The following GMDS variants were observed in gnomAD, a reference collection of about 807,000 sequenced individuals.
GMDS encodes the protein GDP-mannose 4,6-dehydratase, also known as GDP-mannose 4,6 dehydratase.
Under a neutral mutation model 49.9 loss-of-function variants are expected in GMDS, and 20 were observed. That is an observed-to-expected ratio of 0.40 (90% confidence interval 0.28 to 0.58). The LOEUF is 0.58. GMDS is among the 20% of genes least tolerant of loss of function. The pLI is 0.42. For missense variants in GMDS, 362 were observed against 481.4 expected (o/e 0.75, Z 2.32); for synonymous variants, 177 against 178.6 (o/e 0.99, Z 0.07).
chr6:2,108,215 T>G (rs894636008), intron 4 of GMDS, among the ~76,000 whole-genome samples: 1 of 152,216 alleles, frequency 6.6e-6, no homozygotes, highest in African/African-American at 2.4e-5. Flanking sequence ...CTTATATAAC[T>G]GACTTGACAA....
chr6:2,115,849 G>A lies in GMDS; in HGVS notation c.267C>T (p.Asp89=). 6.2e-7 allele frequency: 1 copy of A among 1,606,738 alleles called. No homozygotes were observed. Among genetic ancestry groups the A allele is most frequent in the African/African-American group, 1.3e-5 (1 of 74,884 alleles). Residue 89 remains aspartate (D), a synonymous_variant, in exon 4 of 11, where the codon GAC becomes GAT. Transcript: ENST00000380815. The part of the protein sequence containing the change: ...NMKLHYGDLT[D]STCLVKIINE... ...TAATGATCTTCACAAGGCAGGTACT[G>A]TCAGTGAGATCGCCATAGTGCAACT...
At chr6:1,852,567 C>T (rs1290888711) in intron 7 of GMDS, among the ~76,000 whole-genome samples, 1 of 152,058 alleles carries the variant, frequency 6.6e-6, no homozygotes, top group Admixed American at 6.6e-5. Flanking sequence ...TAAAAAGGTG[C>T]GTTTCTTTAT....
At chr6:1,689,780 G>A (rs950881873) in intron 9 of GMDS, among the ~76,000 whole-genome samples, 5 of 152,074 alleles carry the variant, frequency 3.3e-5, no homozygotes, top group African/African-American at 4.8e-5. Flanking sequence ...CCTCATAAAC[G>A]TCTTCTGAAA....
At chr6:1,696,332 T>G (rs1765340405) in intron 9 of GMDS, among the ~76,000 whole-genome samples, 1 of 152,242 alleles carries the variant, frequency 6.6e-6, no homozygotes. Context: ...ACGCCGTGAT[T>G]TGCTGCTCTG....
intron 9 of GMDS, among the ~76,000 whole-genome samples, chr6:1,717,075 T>G (rs1188935919): frequency 6.6e-6 from 1 of 152,206 alleles, no homozygotes; most frequent in Non-Finnish European, 1.5e-5. Flanking sequence ...AACTCAGTAT[T>G]CCCTGCCAAG....
chr6:1,644,707 T>C (rs1763434039), intron 9 of GMDS, among the ~76,000 whole-genome samples: 1 of 152,046 alleles, frequency 6.6e-6, no homozygotes, highest in Non-Finnish European at 1.5e-5. Flanking sequence ...ACTGTGAGGT[T>C]TTCTGGTGAC....
In GMDS at chr6:1,624,043, G is replaced by A. The variant is rs1581380827; in HGVS notation, c.*126C>T. 1.3e-6 allele frequency: 1 copy of A among 798,590 alleles called. No individual in the cohort carries two copies. Among genetic ancestry groups the A allele is most frequent in the Admixed American group, 2.2e-5 (1 of 44,856 alleles). 49.5% of individuals were successfully genotyped at this position (798,590 alleles called of 1,614,324 possible). A position where few individuals can be genotyped will look rare whatever the true frequency, so the allele number is the denominator to read the frequency against. On this transcript the variant is annotated 3_prime_UTR_variant, in exon 11 of 11. Transcript: ENST00000380815. ...GCCCCGCTCTTGCGGCCGGGACAGC[G>A]CAGCGGCAGCAGGGGCCGCAGGGGA...
chr6:2,125,088 T>C (rs1057422825), intron 1 of GMDS, among the ~76,000 whole-genome samples: 1 of 152,190 alleles, frequency 6.6e-6, no homozygotes, highest in African/African-American at 2.4e-5. Flanking sequence ...GCAGAATGCC[T>C]TGGTGTCATA....
chr6:1,751,773 T>C (rs1581139114), intron 7 of GMDS, among the ~76,000 whole-genome samples: 1 of 152,306 alleles, frequency 6.6e-6, no homozygotes, highest in Non-Finnish European at 1.5e-5. Context: ...ATTACAGGCA[T>C]GAGCCACCGT....
chr6:1,687,358 G>A (rs12216073), intron 9 of GMDS, among the ~76,000 whole-genome samples: 47,017 of 152,150 alleles, frequency 0.31, 8,115 homozygotes, highest in Middle Eastern at 0.46. Flanking sequence ...CCAACCTCCA[G>A]GGGAGGAGGA....
intron 7 of GMDS, among the ~76,000 whole-genome samples, chr6:1,827,029 G>A (rs1413343724): frequency 2.0e-5 from 3 of 151,336 alleles, no homozygotes; most frequent in African/African-American, 2.4e-5. Flanking sequence ...ATTGTGGCCC[G>A]CATTCCAGCC....
At chr6:2,239,618 T>C (rs147732055) in intron 1 of GMDS, among the ~76,000 whole-genome samples, 7 of 152,026 alleles carry the variant, frequency 4.6e-5, no homozygotes, top group Non-Finnish European at 1.5e-5. Flanking sequence ...TTTCAATTAA[T>C]CACATGTAAC....
Position 1,742,557 on chromosome 6 carries a change from C to A in GMDS, c.801G>T (p.Glu267Asp). The stretch of plus-strand genomic sequence containing the variant: ...CAGTAGCTATAACGAAGTCCTCCGG[C>A]TCATCATTCTGCAACATCAACCACA... ...EAMWLMLQND[E>D]PEDFVIATGE... The change falls in exon 8 of 11, where the codon GAG (glutamate) becomes GAT (aspartate). Residue 267 changes from glutamate to aspartate, a missense_variant. By Grantham distance (45) the Glu-to-Asp change is conservative. Coordinates refer to ENST00000380815, the MANE Select transcript of GMDS (RefSeq NM_001500.4). 6.2e-7 allele frequency: 1 copy of A among 1,609,710 alleles called. No homozygotes were observed. Among genetic ancestry groups the A allele is most frequent in the South Asian group, 1.1e-5 (1 of 90,946 alleles).
chr6:1,758,928 A>G (rs1449328277), intron 7 of GMDS, among the ~76,000 whole-genome samples: 1 of 152,080 alleles, frequency 6.6e-6, no homozygotes, highest in African/African-American at 2.4e-5. Flanking sequence ...TGTTTTATGT[A>G]TTTATTATTT....
At chr6:2,047,251 A>G (rs752549576) in intron 4 of GMDS, among the ~76,000 whole-genome samples, 8 of 152,214 alleles carry the variant, frequency 5.3e-5, no homozygotes, top group Non-Finnish European at 1.2e-4. Flanking sequence ...ACTGCCCTGC[A>G]TAGTTCAAGT....
At chr6:1,915,401 G>A (rs1761326167) in intron 7 of GMDS, among the ~76,000 whole-genome samples, 1 of 152,230 alleles carries the variant, frequency 6.6e-6, no homozygotes, top group Non-Finnish European at 1.5e-5. Flanking sequence ...GCAGCTGAGT[G>A]CTGAGCCTGA....
At chr6:2,114,633 T>C (rs1034716118) in intron 4 of GMDS, among the ~76,000 whole-genome samples, 1 of 152,212 alleles carries the variant, frequency 6.6e-6, no homozygotes, top group South Asian at 2.1e-4. Flanking sequence ...TGTTTCTTCA[T>C]AGACAGCACA....
At chr6:2,169,326 T>G (rs914895189) in intron 1 of GMDS, among the ~76,000 whole-genome samples, 1 of 152,082 alleles carries the variant, frequency 6.6e-6, no homozygotes, top group South Asian at 2.1e-4. Context: ...ACACTACATA[T>G]AACAGTATGG....
intron 9 of GMDS, among the ~76,000 whole-genome samples, chr6:1,658,686 A>G: frequency 6.6e-6 from 1 of 152,286 alleles, no homozygotes; most frequent in South Asian, 2.1e-4. Flanking sequence ...ATTTGTCTCA[A>G]ATCACAGACT....
Sources: allele counts gnomAD v4.1 joint callset (sites outside exome capture counted in the v4.1 genomes callset), GRCh38; gene constraint gnomAD v4.1.1; transcripts MANE v1.5; gene names NCBI Gene and HGNC (gene_info 2026-07-23, HGNC 2026-07-21).